RBFOX1: variants seen among roughly 807,000 people sequenced by gnomAD.
RBFOX1 encodes the protein RNA binding fox-1 homolog 1, also known as RNA binding protein fox-1 homolog 1.
RBFOX1 carries 8 observed loss-of-function variants against 57.7 expected under a neutral mutation model. The observed-to-expected ratio is 0.14, with a 90% confidence interval of 0.08 to 0.25. RBFOX1 has a LOEUF of 0.25. RBFOX1 is among the 10% of genes least tolerant of loss of function. RBFOX1 has a pLI of 1.00. For synonymous variants in RBFOX1, 326 were observed against 222.4 expected (o/e 1.47, Z -4.15); for missense variants, 611 against 548.5 (o/e 1.11, Z -1.14).
chr16:6,195,727 G>T (rs944945996), intron 1 of RBFOX1, among the ~76,000 whole-genome samples: 2 of 124,588 alleles, frequency 1.6e-5, no homozygotes, highest in Non-Finnish European at 1.8e-5. Context: ...CTTTAAAAAA[G>T]AAAAAAAAAA....
chr16:5,605,262 G>T (rs930620580), intron 3 of RBFOX1, among the ~76,000 whole-genome samples: 2 of 152,128 alleles, frequency 1.3e-5, no homozygotes, highest in African/African-American at 4.8e-5. Context: ...TTTGGCTTCC[G>T]TGTCTGTGAA....
At chr16:5,769,789 C>G (rs751976736) in intron 3 of RBFOX1, among the ~76,000 whole-genome samples, 2 of 152,142 alleles carry the variant, frequency 1.3e-5, no homozygotes, top group African/African-American at 4.8e-5. Flanking sequence ...GGAATCAAAC[C>G]TGTCAATACC....
At chr16:7,019,996 C>CTT (rs2094125676) in intron 3 of RBFOX1, among the ~76,000 whole-genome samples, 1 of 137,922 alleles carries the variant, frequency 7.3e-6, no homozygotes, top group African/African-American at 2.8e-5. Flanking sequence ...TTTTTTTTCT[C>CTT]TGATGAAGTG....
At chr16:6,138,146 T>G (rs910033410) in intron 1 of RBFOX1, among the ~76,000 whole-genome samples, 1 of 152,240 alleles carries the variant, frequency 6.6e-6, no homozygotes, top group Non-Finnish European at 1.5e-5. Flanking sequence ...ATCGTTAATA[T>G]TGATATTAAA....
chr16:5,968,793 G>T (rs1010772699), intron 4 of RBFOX1, among the ~76,000 whole-genome samples: 1 of 151,936 alleles, frequency 6.6e-6, no homozygotes, highest in Admixed American at 6.6e-5. Context: ...TTTAGAATTT[G>T]TTCTTTTCTC....
intron 3 of RBFOX1, among the ~76,000 whole-genome samples, chr16:7,031,187 G>C (rs1215912845): frequency 6.6e-6 from 1 of 152,150 alleles, no homozygotes; most frequent in Non-Finnish European, 1.5e-5. Context: ...ATGCCTTACA[G>C]TTAAGAAAAT....
intron 3 of RBFOX1, among the ~76,000 whole-genome samples, chr16:6,868,680 C>T (rs1267603213): frequency 4.6e-5 from 7 of 152,144 alleles, no homozygotes; most frequent in African/African-American, 1.7e-4. Flanking sequence ...CCATGTTGGC[C>T]AGGCTGGTCA....
At chr16:7,229,335 C>G (rs1243031282) in intron 4 of RBFOX1, among the ~76,000 whole-genome samples, 3 of 152,252 alleles carry the variant, frequency 2.0e-5, no homozygotes, top group African/African-American at 2.4e-5. Flanking sequence ...TGAAATGAAA[C>G]TGCTCGGCTT....
chr16:7,459,133 G>A (rs576625034), intron 4 of RBFOX1, among the ~76,000 whole-genome samples: 3 of 152,162 alleles, frequency 2.0e-5, no homozygotes, highest in Admixed American at 1.3e-4. Context: ...TGGGTGAGTG[G>A]ATGGATGAAT....
chr16:5,652,445 C>T (rs546611759), intron 3 of RBFOX1, among the ~76,000 whole-genome samples: 2 of 152,218 alleles, frequency 1.3e-5, no homozygotes, highest in Admixed American at 6.5e-5. Context: ...GGAAGGGAAG[C>T]CTGTATCACA....
chr16:5,392,810 T>G (rs2066450459), intron 1 of RBFOX1, among the ~76,000 whole-genome samples: 1 of 152,144 alleles, frequency 6.6e-6, no homozygotes, highest in East Asian at 1.9e-4. Flanking sequence ...CCTGACCCTG[T>G]GGGCAGCAGG....
At chr16:7,181,830 G>C (rs929035870) in intron 4 of RBFOX1, among the ~76,000 whole-genome samples, 1 of 152,136 alleles carries the variant, frequency 6.6e-6, no homozygotes, top group Admixed American at 6.5e-5. Flanking sequence ...CAAAGTGCTA[G>C]GATTAAAGGT....
rs570358262 is a variant in RBFOX1 at position 6,043,120 on chromosome 16, G to GAAAAAAAAAAAAA, written c.-127+23158_-127+23170dup. On this transcript the variant is annotated intron_variant, in intron 1 of 15. Coordinates refer to ENST00000550418, the MANE Select transcript of RBFOX1 (RefSeq NM_018723.4). ...GCGACAGAGCAAGATTGTGTTTCCA[G>GAAAAAAAAAAAAA]AAAAAAAAAAAAAAAAAAAAAAAAA... 1.6e-3 allele frequency among the ~76,000 whole-genome samples: 110 copies of GAAAAAAAAAAAAA among 70,252 alleles called. 4 individuals are homozygous for GAAAAAAAAAAAAA. The highest frequency in any genetic ancestry group is 2.3e-3 in the Non-Finnish European group (88 of 38,236). 46.1% of individuals were successfully genotyped at this position (70,252 alleles called of 152,430 possible). A position where few individuals can be genotyped will look rare whatever the true frequency, so the allele number is the denominator to read the frequency against.
chr16:6,126,089 T>G (rs999612008), intron 1 of RBFOX1, among the ~76,000 whole-genome samples: 4 of 152,196 alleles, frequency 2.6e-5, no homozygotes. Flanking sequence ...ACAGTCAGAT[T>G]TCCAATATGG....
chr16:5,679,023 T>A (rs897001627), intron 3 of RBFOX1, among the ~76,000 whole-genome samples: 1 of 152,180 alleles, frequency 6.6e-6, no homozygotes, highest in African/African-American at 2.4e-5. Flanking sequence ...AATTGAACTG[T>A]TAGCTGAACT....
intron 1 of RBFOX1, among the ~76,000 whole-genome samples, chr16:6,146,859 G>A (rs187623640): frequency 1.3e-5 from 2 of 152,272 alleles, no homozygotes; most frequent in Non-Finnish European, 2.9e-5. Flanking sequence ...AGAAACATGG[G>A]CAGTAAAACT....
rs531970343 is a variant in RBFOX1 at position 5,350,394 on chromosome 16, G to A, written c.219+110289G>A. 7.9e-5 allele frequency among the ~76,000 whole-genome samples: 12 copies of A among 152,316 alleles called. No homozygotes were observed. In the South Asian group the frequency reaches 1.7e-3, roughly 21 times the overall value. Reference sequence around the variant, plus strand: ...TTGGCTCTGGTTGATAGACGGGGGTGTGTCAGGCTGACACACAGCAGGAAT... The same window carrying A: ...TTGGCTCTGGTTGATAGACGGGGGTATGTCAGGCTGACACACAGCAGGAAT... On this transcript the variant is annotated intron_variant, in intron 1 of 2. Coordinates refer to the RBFOX1 transcript ENST00000585867.
chr16:5,476,707 C>G (rs4238859), intron 2 of RBFOX1, among the ~76,000 whole-genome samples: 2 of 152,020 alleles, frequency 1.3e-5, no homozygotes, highest in South Asian at 4.1e-4. Flanking sequence ...TTTAATTTAT[C>G]GCTGCACAAA....
intron 1 of RBFOX1, among the ~76,000 whole-genome samples, chr16:6,209,482 A>C (rs72774600): frequency 6.6e-6 from 1 of 152,194 alleles, no homozygotes; most frequent in African/African-American, 2.4e-5. Context: ...CATCTAATAC[A>C]CGTAACCTCT....
Sources: gnomAD v4.1 joint callset for allele counts (sites outside exome capture counted in the v4.1 genomes callset) on GRCh38, gnomAD v4.1.1 for gene constraint, MANE v1.5 for transcripts, NCBI Gene and HGNC (gene_info 2026-07-23, HGNC 2026-07-21) for gene names.